Variants in ARSB observed in about 807,000 individuals in gnomAD.
ARSB encodes the protein arylsulfatase B, also known as N-acetylgalactosamine-4-sulfatase.
In ARSB, 41 loss-of-function variants were observed where a neutral mutation model predicts 50.9. The ratio of observed to expected loss-of-function variants is 0.81; its 90% CI spans 0.63 to 1.04. ARSB has a LOEUF of 1.04. Among genes scored for constraint, ARSB ranks in the 50% least tolerant of loss-of-function variants. The pLI is 0.00. For missense variants in ARSB, 672 were observed against 693.3 expected (o/e 0.97, Z 0.35); for synonymous variants, 269 against 284.8 (o/e 0.94, Z 0.56).
Position 78,830,858 on chromosome 5 carries a change from C to T in ARSB, c.1213+8498G>A, listed in dbSNP as rs142808277. On this transcript the variant is annotated intron_variant, in intron 6 of 7. Transcript: ENST00000264914. ...AAAGACAAATATTGGCAACTAGAGA[C>T]GACACAAAATTCTAACTGCTCTGAC... is the stretch of plus-strand genomic sequence containing the variant. Among the ~76,000 whole-genome samples, 97 of 152,250 alleles carry T rather than the reference C, an allele frequency of 6.4e-4. 2 individuals carry two copies. In the South Asian group the frequency reaches 0.013, roughly 20 times the overall value.
In ARSB at chr5:78,778,360, A is replaced by G. The variant is rs933036056; in HGVS notation, c.*2037T>C. On this transcript the variant is annotated 3_prime_UTR_variant, in exon 8 of 8. Transcript: ENST00000264914. ...GTCTCATTTTAATACAATACAGGTT[A>G]GTAGTGACCAGAAAATATTGCTACT... is the stretch of plus-strand genomic sequence containing the variant. The G allele has an allele frequency of 1.3e-5, 2 of 152,256 alleles. No individual in the cohort carries two copies. Among genetic ancestry groups the G allele is most frequent in the African/African-American group, 4.8e-5 (2 of 41,462 alleles). 9.4% of individuals were successfully genotyped at this position (152,256 alleles called of 1,614,324 possible).
At chr5:78,900,839 A>C (rs1221529309) in intron 4 of ARSB, among the ~76,000 whole-genome samples, 15 of 152,034 alleles carry the variant, frequency 9.9e-5, no homozygotes, top group African/African-American at 3.6e-4. Context: ...GGAGATCGAG[A>C]CCATCCTGGC....
chr5:78,940,906 C>G (rs573073726), intron 4 of ARSB, among the ~76,000 whole-genome samples: 5,195 of 152,226 alleles, frequency 0.034, 274 homozygotes, highest in African/African-American at 0.12. Context: ...TTGATTCTTC[C>G]TACCCATGAG....
intron 1 of ARSB, among the ~76,000 whole-genome samples, chr5:78,971,413 C>G (rs994788511): frequency 6.6e-6 from 1 of 152,218 alleles, no homozygotes; most frequent in Non-Finnish European, 1.5e-5. Flanking sequence ...TCTGGGGACA[C>G]AGGAGGTAAG....
At chr5:78,931,430 C>G (rs1750322790) in intron 4 of ARSB, among the ~76,000 whole-genome samples, 1 of 152,074 alleles carries the variant, frequency 6.6e-6, no homozygotes. Flanking sequence ...AGACCAAAAG[C>G]ACCAGCATCT....
intron 5 of ARSB, among the ~76,000 whole-genome samples, chr5:78,879,270 C>T (rs1747633041): frequency 6.6e-6 from 1 of 152,128 alleles, no homozygotes; most frequent in South Asian, 2.1e-4. Context: ...TTCAAACAAC[C>T]TATAGGCTGA....
intron 5 of ARSB, among the ~76,000 whole-genome samples, chr5:78,854,806 C>A (rs1746056257): frequency 6.6e-6 from 1 of 152,002 alleles, no homozygotes; most frequent in South Asian, 2.1e-4. Context: ...GTCTGGGAGA[C>A]TTTCTTTCTC....
Position 78,913,187 on chromosome 5 carries a change from C to T in ARSB, c.899-27360G>A, listed in dbSNP as rs566033748. Among the ~76,000 whole-genome samples the T allele has an allele frequency of 7.9e-5, 12 of 151,228 alleles. No homozygotes were observed. The East Asian group carries it at 1.4e-3, about 17-fold the overall frequency. ...TCGCCCAGGCTGGAGTGCAGTGGCG[C>T]GATCTCCGCTCACTGCAGGCTCCGC... On this transcript the variant is annotated intron_variant, in intron 4 of 7. Transcript: ENST00000264914.
chr5:78,856,962 G>A (rs1395011348), intron 5 of ARSB, among the ~76,000 whole-genome samples: 1 of 152,144 alleles, frequency 6.6e-6, no homozygotes, highest in Non-Finnish European at 1.5e-5. Flanking sequence ...ATAAACTTGG[G>A]TGTTGTTTTT....
At chr5:78,905,505 T>C (rs557512809) in intron 4 of ARSB, among the ~76,000 whole-genome samples, 15 of 152,320 alleles carry the variant, frequency 9.8e-5, no homozygotes, top group Non-Finnish European at 1.8e-4. Flanking sequence ...ACAAGTTTTG[T>C]CTCACCTTCT....
intron 4 of ARSB, among the ~76,000 whole-genome samples, chr5:78,916,229 T>G (rs147069150): frequency 6.6e-6 from 1 of 152,160 alleles, no homozygotes; most frequent in Admixed American, 6.5e-5. Flanking sequence ...CAGCTTCCCA[T>G]GCAAGTTCTA....
intron 5 of ARSB, among the ~76,000 whole-genome samples, chr5:78,848,900 C>A (rs62377536): frequency 5.8e-5 from 8 of 137,958 alleles, no homozygotes; most frequent in Non-Finnish European, 1.2e-4. Flanking sequence ...ATCCTTTGCC[C>A]ACTTGTTGAT....
chr5:78,964,572 A>G lies in ARSB; in HGVS notation c.534T>C (p.His178=), dbSNP rs779861743. 3 of 1,613,918 alleles carry G rather than the reference A, an allele frequency of 1.9e-6. No homozygotes were observed. Among genetic ancestry groups the G allele is most frequent in the Non-Finnish European group, 2.5e-6 (3 of 1,179,922 alleles). The change falls in exon 3 of 8, where the codon CAT becomes CAC. Residue 178 remains histidine (H), a synonymous_variant. Transcript: ENST00000264914. ...GAGCGTCAATTAATGTACAGCGTTC[A>G]TGGGAATAATAATCTTCACTACCCA... ...YLLGSEDYYS[H]ERCTLIDALN...
rs532451927 is a variant in ARSB, at chr5:78,777,596, T to C, written c.*2801A>G. 1 of 152,718 alleles carries C rather than the reference T, an allele frequency of 6.5e-6. No homozygotes were observed. The highest frequency in any genetic ancestry group is 1.5e-5 in the Non-Finnish European group (1 of 68,024). 9.5% of individuals were successfully genotyped at this position (152,718 alleles called of 1,614,324 possible). ...TGCCGGGCACAGTGGCTCACACCTG[T>C]AATCCCAGTGCTTTGGGAAGCTGAA... On this transcript the variant is annotated 3_prime_UTR_variant, in exon 8 of 8. Coordinates refer to ENST00000264914, the MANE Select transcript of ARSB (RefSeq NM_000046.5).
Position 78,813,117 on chromosome 5 carries a change from T to C in ARSB, c.1213+26239A>G, listed in dbSNP as rs1446100924. On this transcript the variant is annotated intron_variant, in intron 6 of 7. Transcript: ENST00000264914. Reference sequence around the variant, plus strand: ...TCTTGCTCTGTCACCCAGGCTGGAGTGCAGTGGTGCAATCTCGGCTCACTG... The same window carrying C: ...TCTTGCTCTGTCACCCAGGCTGGAGCGCAGTGGTGCAATCTCGGCTCACTG... Among the ~76,000 whole-genome samples, 7 of 152,014 alleles carry C rather than the reference T, an allele frequency of 4.6e-5. No individual in the cohort carries two copies. The East Asian group carries it at 1.2e-3, about 25-fold the overall frequency.
rs941489453 is a variant in ARSB, at chr5:78,914,348, AG to A, written c.899-28522del. ...ACAAATAATAAGGATTTCTTTCAAAAGCTGACTTTAAATCTAAAATCATGTG... is the reference window on the plus strand; with the variant it reads ...ACAAATAATAAGGATTTCTTTCAAAACTGACTTTAAATCTAAAATCATGTG... On this transcript the variant is annotated intron_variant, in intron 4 of 7. Transcript: ENST00000264914. 1.1e-3 allele frequency among the ~76,000 whole-genome samples: 175 copies of A among 152,346 alleles called. 1 individual carries two copies. The highest frequency in any genetic ancestry group is 3.8e-3 in the African/African-American group (159 of 41,576).
intron 6 of ARSB, among the ~76,000 whole-genome samples, chr5:78,812,874 T>G (rs1000615239): frequency 6.6e-6 from 1 of 151,986 alleles, no homozygotes; most frequent in Non-Finnish European, 1.5e-5. Flanking sequence ...GCCTATAGTC[T>G]CAGTTACTCA....
At chr5:78,796,998 C>T (rs1743208912) in intron 6 of ARSB, among the ~76,000 whole-genome samples, 1 of 151,672 alleles carries the variant, frequency 6.6e-6, no homozygotes, top group Non-Finnish European at 1.5e-5. Flanking sequence ...CTGCCTCAGC[C>T]TCCCAAGTAG....
intron 6 of ARSB, among the ~76,000 whole-genome samples, chr5:78,828,752 A>T (rs1421740203): frequency 7.1e-6 from 1 of 140,090 alleles, no homozygotes; most frequent in Non-Finnish European, 1.6e-5. Flanking sequence ...GGCCCCCTAA[A>T]GATATCCACG....
Sources: allele counts gnomAD v4.1 joint callset (sites outside exome capture counted in the v4.1 genomes callset), GRCh38; gene constraint gnomAD v4.1.1; transcripts MANE v1.5; gene names NCBI Gene and HGNC (gene_info 2026-07-23, HGNC 2026-07-21).